SPOCK3: variants seen among roughly 807,000 people sequenced by gnomAD.
SPOCK3 encodes testican-3.
A neutral mutation model predicts 56.6 loss-of-function variants in SPOCK3; 30 were observed. The ratio of observed to expected loss-of-function variants is 0.53; its 90% confidence interval spans 0.40 to 0.72. The LOEUF is 0.72. Among genes scored for constraint, SPOCK3 ranks in the 30% least tolerant of loss-of-function variants. The probability of loss-of-function intolerance (pLI) is 0.00; values close to 1 mark genes in which losing one functional copy is unlikely to be tolerated. For missense variants in SPOCK3, 527 were observed against 530.0 expected, an observed-to-expected ratio of 0.99 and a Z score of 0.06; for synonymous variants, 196 against 183.3, an observed-to-expected ratio of 1.07 and a Z score of -0.56.
chr4:166,754,278 G>T (rs1431996125), intron 8 of SPOCK3: 10 of 1,244,010 alleles, frequency 8.0e-6, no homozygotes, highest in Admixed American at 3.9e-5. Context: ...TAATGTAGTG[G>T]CATTAATACA....
intron 6 of SPOCK3, among the ~76,000 whole-genome samples, chr4:166,850,525 C>T (rs1748569234): frequency 1.3e-5 from 2 of 152,192 alleles, no homozygotes; most frequent in South Asian, 2.1e-4. Context: ...ACGCAGAAGA[C>T]AGGTGATTTC....
chr4:166,753,205 A>T (rs375838791), intron 8 of SPOCK3, among the ~76,000 whole-genome samples: 13 of 152,114 alleles, frequency 8.5e-5, no homozygotes, highest in Admixed American at 2.6e-4. Context: ...AAATAAAAAT[A>T]AAAAATTAAA....
At chr4:166,925,967 A>T (rs924493827) in intron 4 of SPOCK3, among the ~76,000 whole-genome samples, 3 of 152,316 alleles carry the variant, frequency 2.0e-5, no homozygotes, top group African/African-American at 7.2e-5. Flanking sequence ...TCTATGTCCC[A>T]CTAGAAAATC....
chr4:167,215,143 C>A (rs1383926039), intron 2 of SPOCK3, among the ~76,000 whole-genome samples: 1 of 151,852 alleles, frequency 6.6e-6, no homozygotes, highest in African/African-American at 2.4e-5. Flanking sequence ...CTACCAGGAT[C>A]AATAGAAAAT....
chr4:166,879,293 C>G lies in SPOCK3; in HGVS notation c.589+9837G>C, dbSNP rs531590154. Among the ~76,000 whole-genome samples the G allele has an allele frequency of 5.3e-5, 8 of 152,164 alleles. No homozygotes were observed. In the East Asian group the frequency reaches 1.2e-3, roughly 22 times the overall value. On this transcript the variant is annotated intron_variant, in intron 6 of 10. Transcript: ENST00000357545. ...CCTGTAATCCCAGCGCTTTGGGAGC[C>G]TGAGGTAAGAGGATCACTTGAGGCC... is the stretch of plus-strand genomic sequence containing the variant.
chr4:167,045,296 G>A (rs576888694), intron 3 of SPOCK3, among the ~76,000 whole-genome samples: 2 of 151,864 alleles, frequency 1.3e-5, no homozygotes, highest in African/African-American at 4.8e-5. Flanking sequence ...ATTTAAAGTC[G>A]GTTCCTTTTA....
intron 2 of SPOCK3, among the ~76,000 whole-genome samples, chr4:167,093,561 T>C (rs184882037): frequency 1.2e-4 from 19 of 152,242 alleles, no homozygotes; most frequent in Non-Finnish European, 2.1e-4. Flanking sequence ...TCTGTTCCTG[T>C]GTTAGTTTGC....
chr4:167,020,446 A>C (rs902068220), intron 3 of SPOCK3, among the ~76,000 whole-genome samples: 1 of 152,068 alleles, frequency 6.6e-6, no homozygotes, highest in East Asian at 1.9e-4. Flanking sequence ...ATATTAAAAG[A>C]TGGAGTCTTT....
intron 6 of SPOCK3, among the ~76,000 whole-genome samples, chr4:166,825,798 ATCAAATATTGTATGTTC>A (rs965719495): frequency 5.9e-5 from 9 of 152,128 alleles, no homozygotes; most frequent in Non-Finnish European, 8.8e-5. Flanking sequence ...GGAAAGGAAA[ATCAAATATTGTATGTTC>A]TCACTTATAA....
chr4:166,768,071 C>T (rs1298653123), intron 7 of SPOCK3, among the ~76,000 whole-genome samples: 1 of 151,736 alleles, frequency 6.6e-6, no homozygotes. Flanking sequence ...TTATTTTGAG[C>T]CTATGTGTGT....
rs140071800 is a variant in SPOCK3 at position 167,177,427 on chromosome 4, G to A, written c.189+56558C>T. 2.6e-5 allele frequency among the ~76,000 whole-genome samples: 4 copies of A among 152,124 alleles called. No individual in the cohort carries two copies. The East Asian group carries it at 7.7e-4, about 29-fold the overall frequency. ...TGCCTTCCAAGCAAGGACCACAAAG[G>A]GAACGCCTATAGTTCCATGAGTTGG... is the stretch of plus-strand genomic sequence containing the variant. On this transcript the variant is annotated intron_variant, in intron 2 of 10. Coordinates refer to ENST00000357545, the MANE Select transcript of SPOCK3 (RefSeq NM_001040159.2).
At chr4:166,993,750 C>A (rs1188310821) in intron 4 of SPOCK3, among the ~76,000 whole-genome samples, 2 of 152,140 alleles carry the variant, frequency 1.3e-5, no homozygotes, top group East Asian at 1.9e-4. Context: ...GGTTAACAAG[C>A]ACTTCTAACG....
chr4:167,105,214 A>G (rs1347356003), intron 2 of SPOCK3, among the ~76,000 whole-genome samples: 2 of 151,996 alleles, frequency 1.3e-5, no homozygotes, highest in African/African-American at 4.8e-5. Flanking sequence ...TGATGAACCA[A>G]TCAAAAATAA....
At chr4:166,745,733 T>A (rs543135783) in intron 8 of SPOCK3, among the ~76,000 whole-genome samples, 12 of 152,296 alleles carry the variant, frequency 7.9e-5, no homozygotes, top group Admixed American at 2.6e-4. Flanking sequence ...TGTGCTGTAT[T>A]CAGGAGACCC....
chr4:166,738,263 C>T (rs1276356470), intron 9 of SPOCK3, among the ~76,000 whole-genome samples: 1 of 151,688 alleles, frequency 6.6e-6, no homozygotes, highest in Non-Finnish European at 1.5e-5. Flanking sequence ...TGTTGACTGT[C>T]CTTGCATACT....
chr4:166,766,172 C>G (rs922355219), intron 7 of SPOCK3, among the ~76,000 whole-genome samples: 1 of 152,190 alleles, frequency 6.6e-6, no homozygotes, highest in African/African-American at 2.4e-5. Context: ...AATTGAATAC[C>G]CTTTATTTCT....
chr4:166,956,631 G>A (rs780153390), intron 4 of SPOCK3, among the ~76,000 whole-genome samples: 2 of 152,090 alleles, frequency 1.3e-5, no homozygotes, highest in Non-Finnish European at 2.9e-5. Context: ...AGTTGAAAAT[G>A]GGTAACTGAA....
At chr4:166,876,985 C>A (rs1480400503) in intron 6 of SPOCK3, among the ~76,000 whole-genome samples, 1 of 151,818 alleles carries the variant, frequency 6.6e-6, no homozygotes, top group Non-Finnish European at 1.5e-5. Context: ...ATTTATTTTT[C>A]AAAATAGTAA....
At chr4:167,201,589 GTAAT>G (rs1733520615) in intron 2 of SPOCK3, among the ~76,000 whole-genome samples, 1 of 151,854 alleles carries the variant, frequency 6.6e-6, no homozygotes. Flanking sequence ...ATAAATTTAT[GTAAT>G]TATCAAGGTG....
Sources: allele counts gnomAD v4.1 joint callset (sites outside exome capture counted in the v4.1 genomes callset), GRCh38; gene constraint gnomAD v4.1.1; transcripts MANE v1.5; gene names NCBI Gene and HGNC (gene_info 2026-07-23, HGNC 2026-07-21).